PSMD4: variants seen among roughly 807,000 people sequenced by gnomAD.
PSMD4 encodes 26S proteasome non-ATPase regulatory subunit 4.
Under a neutral mutation model 39.7 loss-of-function variants are expected in PSMD4, and 5 were observed. That is an observed-to-expected ratio of 0.13 (90% CI 0.07 to 0.26). PSMD4 has a LOEUF of 0.26. PSMD4 is among the 10% of genes least tolerant of loss of function. The pLI is 1.00. For missense variants in PSMD4, 272 were observed against 486.1 expected (o/e 0.56, Z 4.14); for synonymous variants, 143 against 174.6 (o/e 0.82, Z 1.43).
Position 151,255,590 on chromosome 1 carries a change from A to G in PSMD4, c.26+782A>G, listed in dbSNP as rs138566466. Among the ~76,000 whole-genome samples, 7 of 152,260 alleles carry G rather than the reference A, an allele frequency of 4.6e-5. No individual in the cohort carries two copies. In the East Asian group the frequency reaches 1.4e-3, roughly 29 times the overall value. On this transcript the variant is annotated intron_variant, in intron 1 of 9. Transcript: ENST00000368884. ...TAAGTGTAATCACTGAATGTAATAC[A>G]GAATAGTTGACGAACACAAATCACC... is the stretch of plus-strand genomic sequence containing the variant.
At chr1:151,256,843 G>A (rs1482778993) in intron 1 of PSMD4, among the ~76,000 whole-genome samples, 1 of 146,318 alleles carries the variant, frequency 6.8e-6, no homozygotes, top group African/African-American at 2.5e-5. Flanking sequence ...TCCGCCTCCC[G>A]TGTTCAAGCG....
chr1:151,256,344 A>C (rs1189843421), intron 1 of PSMD4, among the ~76,000 whole-genome samples: 1 of 77,538 alleles, frequency 1.3e-5, no homozygotes, highest in African/African-American at 5.0e-5. Flanking sequence ...ACTCCCTCTC[A>C]AAAAAAAAAA....
chr1:151,264,051 G>A (rs1345422771), intron 3 of PSMD4, 23 bp downstream of exon 3: 1 of 1,509,528 alleles, frequency 6.6e-7, no homozygotes, highest in South Asian at 1.2e-5. Context: ...GGGTTCCCTG[G>A]ACCTTTCCTC....
intron 1 of PSMD4, 107 bp downstream of exon 1, chr1:151,254,915 C>A: frequency 7.5e-7 from 1 of 1,334,378 alleles, no homozygotes; most frequent in Non-Finnish European, 9.8e-7. Flanking sequence ...GGGCGAGAGG[C>A]GGCCCTGGCC....
intron 9 of PSMD4, 118 bp downstream of exon 9, chr1:151,266,705 T>C: frequency 8.2e-7 from 1 of 1,217,478 alleles, no homozygotes; most frequent in South Asian, 1.3e-5. Context: ...GGGAAACACA[T>C]GGATTTGCAT....
At chr1:151,262,775 C>G (rs1693343009) in intron 2 of PSMD4, 1 of 164,892 alleles carries the variant, frequency 6.1e-6, no homozygotes, top group Non-Finnish European at 1.3e-5. Context: ...GCGGAGGTTG[C>G]AGTGAGCCAA....
rs1693448983 is a variant in PSMD4, at chr1:151,266,349, G to A, written c.805G>A (p.Glu269Lys). 6.2e-7 allele frequency: 1 copy of A among 1,614,246 alleles called. No homozygotes were observed. Among genetic ancestry groups the A allele is most frequent in the East Asian group, 2.2e-5 (1 of 44,892 alleles). Reference sequence around the variant, plus strand: ...GCTGAAGATGACCATCAGCCAGCAAGAGTTTGGCCGCACTGGGCTTCCTGA... The same window carrying A: ...GCTGAAGATGACCATCAGCCAGCAAAAGTTTGGCCGCACTGGGCTTCCTGA... Reference protein sequence around the residue: ...ALLKMTISQQEFGRTGLPDLS... With the variant: ...ALLKMTISQQKFGRTGLPDLS... Residue 269 changes from glutamate (E) to lysine (K), a missense_variant, in exon 8 of 10, where the codon GAG (glutamate) becomes AAG (lysine). Physicochemically the swap from Glu to Lys is moderately conservative, Grantham distance 56 (BLOSUM62 1). Coordinates refer to ENST00000368884, the MANE Select transcript of PSMD4 (RefSeq NM_002810.4).
intron 1 of PSMD4, among the ~76,000 whole-genome samples, chr1:151,261,306 G>C (rs914733801): frequency 1.3e-5 from 2 of 150,584 alleles, no homozygotes; most frequent in Non-Finnish European, 1.5e-5. Flanking sequence ...CTCCCGAGTA[G>C]CTGGGATTAC....
At chr1:151,256,532 T>G (rs1303081125) in intron 1 of PSMD4, among the ~76,000 whole-genome samples, 11 of 146,094 alleles carry the variant, frequency 7.5e-5, no homozygotes, top group East Asian at 4.2e-4. Context: ...TCCGCCTCCC[T>G]GGTTCAAGTG....
At chr1:151,264,063 C>A in intron 3 of PSMD4, 35 bp downstream of exon 3, 2 of 1,451,162 alleles carry the variant, frequency 1.4e-6, no homozygotes, top group Non-Finnish European at 1.9e-6. Context: ...CCTTTCCTCC[C>A]TGCTCTGAGG....
At chr1:151,265,855 C>T (rs587741728) in intron 6 of PSMD4, 149 bp from the exon 7 acceptor site, 66 of 1,190,178 alleles carry the variant, frequency 5.5e-5, no homozygotes, top group Middle Eastern at 5.8e-4. Context: ...TTTTTAATCC[C>T]GTACCACTGC....
chr1:151,260,173 T>C (rs1289412393), intron 1 of PSMD4, among the ~76,000 whole-genome samples: 1 of 150,114 alleles, frequency 6.7e-6, no homozygotes, highest in African/African-American at 2.5e-5. Flanking sequence ...CACTCCAGCC[T>C]GGGCAACAAG....
rs1368479856 is a variant in PSMD4, at chr1:151,256,350, AAAAAAATAATAATAAAAT to A, written c.26+1546_26+1563del. Among the ~76,000 whole-genome samples, 58 of 78,374 alleles carry A rather than the reference AAAAAAATAATAATAAAAT, an allele frequency of 7.4e-4. 1 individual carries two copies. Among genetic ancestry groups the A allele is most frequent in the African/African-American group, 2.7e-3 (58 of 21,136 alleles). 51.4% of individuals were successfully genotyped at this position (78,374 alleles called of 152,430 possible). On this transcript the variant is annotated intron_variant, in intron 1 of 9. Coordinates refer to ENST00000368884, the MANE Select transcript of PSMD4 (RefSeq NM_002810.4). ...CAGAGTGAGACTCCCTCTCAAAAAA[AAAAAAATAATAATAAAAT>A]AAATAAATAAATAAATAAATAAATA... is the stretch of plus-strand genomic sequence containing the variant.
chr1:151,261,170 TTTTC>T (rs1364512942), intron 1 of PSMD4, among the ~76,000 whole-genome samples: 14 of 150,178 alleles, frequency 9.3e-5, no homozygotes, highest in African/African-American at 2.9e-4. Context: ...TAGATTTTTT[TTTTC>T]TTTTTCTTTT....
Position 151,265,707 on chromosome 1 carries a change from A to T in PSMD4, c.654+98A>T, listed in dbSNP as rs1693419576. 33 of 1,305,202 alleles carry T rather than the reference A, an allele frequency of 2.5e-5. No homozygotes were observed. In the South Asian group the frequency reaches 3.9e-4, roughly 15 times the overall value. The allele number at this position is 1,305,202 out of a possible 1,614,324, so 80.9% of individuals were successfully genotyped here. Reference sequence around the variant, plus strand: ...CTTCTATCAGGCTGGATAGTCCTAGACACTACCAATCACTCATTTTCCAAG... The same window carrying T: ...CTTCTATCAGGCTGGATAGTCCTAGTCACTACCAATCACTCATTTTCCAAG... On this transcript the variant is annotated intron_variant, in intron 6 of 9. Coordinates refer to ENST00000368884, the MANE Select transcript of PSMD4 (RefSeq NM_002810.4).
Position 151,266,506 on chromosome 1 carries a change from C to G in PSMD4, c.896-14C>G. Reference sequence around the variant, plus strand: ...GAGGAAGTGTAACTGAACAGACTGACCTCTCTTCCTCAGAGTTTGGCCAGG... The same window carrying G: ...GAGGAAGTGTAACTGAACAGACTGAGCTCTCTTCCTCAGAGTTTGGCCAGG... On this transcript the variant is annotated splice_polypyrimidine_tract_variant and intron_variant, in intron 8 of 9. Coordinates refer to ENST00000368884, the MANE Select transcript of PSMD4 (RefSeq NM_002810.4). 1 of 1,614,192 alleles carries G rather than the reference C, an allele frequency of 6.2e-7. No homozygotes were observed. Among genetic ancestry groups the G allele is most frequent in the African/African-American group, 1.3e-5 (1 of 75,052 alleles).
intron 5 of PSMD4, 68 bp downstream of exon 5, chr1:151,265,302 G>C (rs948985135): frequency 5.7e-6 from 9 of 1,591,302 alleles, no homozygotes; most frequent in Non-Finnish European, 6.9e-6. Context: ...TTAACCCTGA[G>C]GAGTGCGGGT....
At chr1:151,265,938 T>G in intron 6 of PSMD4, 66 bp from the exon 7 acceptor site, 1 of 1,504,944 alleles carries the variant, frequency 6.6e-7, no homozygotes, top group Non-Finnish European at 8.9e-7. Context: ...ACACCCCAAC[T>G]GACTTTCCCA....
chr1:151,254,754 A>T lies in PSMD4; in HGVS notation c.-29A>T. The T allele has an allele frequency of 6.4e-7, 1 of 1,554,998 alleles. No individual in the cohort carries two copies. Among genetic ancestry groups the T allele is most frequent in the Non-Finnish European group, 8.7e-7 (1 of 1,150,482 alleles). On this transcript the variant is annotated 5_prime_UTR_variant, in exon 1 of 10. Coordinates refer to ENST00000368884, the MANE Select transcript of PSMD4 (RefSeq NM_002810.4). The stretch of plus-strand genomic sequence containing the variant: ...GAGTTGTTGTTAGGCCGTCCCGGAG[A>T]CCCGGTCGGGAGGGAGGAAGGTGGC...
Sources: allele counts gnomAD v4.1 joint callset (sites outside exome capture counted in the v4.1 genomes callset), GRCh38; gene constraint gnomAD v4.1.1; transcripts MANE v1.5; gene names NCBI Gene and HGNC (gene_info 2026-07-23, HGNC 2026-07-21).